Variants in CLVS2 observed in about 807,000 individuals in gnomAD.
CLVS2 encodes the protein clavesin 2.
CLVS2 carries 19 observed loss-of-function variants against 29.0 expected under a neutral mutation model. That is an observed-to-expected ratio of 0.66 (90% CI 0.46 to 0.96). The LOEUF is 0.96. Ranked by LOEUF, CLVS2 falls within the 40% of genes least tolerant of loss-of-function variation. CLVS2 has a pLI of 0.00. For synonymous variants in CLVS2, 161 were observed against 151.3 expected (o/e 1.06, Z -0.47); for missense variants, 294 against 404.1 (o/e 0.73, Z 2.34).
At chr6:123,063,621 A>G in intron 5 of CLVS2, 53 bp from the exon 6 acceptor site, 6 of 997,106 alleles carry the variant, frequency 6.0e-6, no homozygotes, top group Non-Finnish European at 9.5e-6. Context: ...AGAGAATGTC[A>G]TCTGCACAAT....
intron 2 of CLVS2, among the ~76,000 whole-genome samples, chr6:123,010,251 A>G (rs925431969): frequency 6.6e-6 from 1 of 152,040 alleles, no homozygotes; most frequent in Non-Finnish European, 1.5e-5. Flanking sequence ...ATCTCCAACC[A>G]GTGTCTTTCT....
chr6:123,019,594 C>T (rs987928015), intron 3 of CLVS2, among the ~76,000 whole-genome samples: 25 of 152,010 alleles, frequency 1.6e-4, no homozygotes, highest in African/African-American at 5.5e-4. Context: ...ATTTCCCTGG[C>T]TCCTGTGATG....
chr6:123,025,744 A>G (rs927410208), intron 3 of CLVS2, among the ~76,000 whole-genome samples: 4 of 152,122 alleles, frequency 2.6e-5, no homozygotes, highest in Non-Finnish European at 5.9e-5. Flanking sequence ...TACTTTACCC[A>G]TTTCCTCCAT....
chr6:123,026,970 T>C (rs1362222749), intron 3 of CLVS2, among the ~76,000 whole-genome samples: 1 of 152,128 alleles, frequency 6.6e-6, no homozygotes, highest in Non-Finnish European at 1.5e-5. Flanking sequence ...CAAAATAAGT[T>C]TTACAGGATT....
rs1582669284 is a variant in CLVS2 at position 123,066,088 on chromosome 6, T to C, written c.*2327T>C. The C allele has an allele frequency of 6.6e-6, 1 of 151,746 alleles. No homozygotes were observed. The highest frequency in any genetic ancestry group is 2.4e-5 in the African/African-American group (1 of 41,416). The allele number at this position is 151,746 out of a possible 1,614,324, so 9.4% of individuals were successfully genotyped here. On this transcript the variant is annotated 3_prime_UTR_variant, in exon 6 of 6. Transcript: ENST00000275162. ...GAACAAATTACAATGATGATGCCTTTTGAAATTACCATATCTAGTTCATTC... is the reference window on the plus strand; with the variant it reads ...GAACAAATTACAATGATGATGCCTTCTGAAATTACCATATCTAGTTCATTC...
intron 4 of CLVS2, among the ~76,000 whole-genome samples, 195 bp downstream of exon 4, chr6:123,048,927 G>A (rs1395799440): frequency 1.3e-5 from 2 of 152,130 alleles, no homozygotes; most frequent in Non-Finnish European, 2.9e-5. Context: ...TTAAAAGCTA[G>A]CTCTCCTACT....
intron 2 of CLVS2, among the ~76,000 whole-genome samples, chr6:123,010,080 A>G (rs187283660): frequency 6.6e-6 from 1 of 152,190 alleles, no homozygotes; most frequent in African/African-American, 2.4e-5. Context: ...AAATTTTACT[A>G]TGTATTCAGG....
At chr6:123,042,246 T>G (rs1045170543) in intron 3 of CLVS2, among the ~76,000 whole-genome samples, 1 of 152,240 alleles carries the variant, frequency 6.6e-6, no homozygotes, top group Admixed American at 6.5e-5. Context: ...TGACTATTCA[T>G]TTTTCAAGCC....
chr6:123,025,508 G>C (rs759745565), intron 3 of CLVS2, among the ~76,000 whole-genome samples: 20 of 152,106 alleles, frequency 1.3e-4, no homozygotes, highest in Non-Finnish European at 2.6e-4. Context: ...AATCTGAGTG[G>C]TATAAAGGGT....
At chr6:123,020,794 T>TA (rs1367249519) in intron 3 of CLVS2, among the ~76,000 whole-genome samples, 1 of 152,072 alleles carries the variant, frequency 6.6e-6, no homozygotes, top group East Asian at 1.9e-4. Context: ...CTATCAATTA[T>TA]ATTATATACT....
At chr6:123,014,994 G>C (rs6940680) in intron 3 of CLVS2, among the ~76,000 whole-genome samples, 111,238 of 151,972 alleles carry the variant, frequency 0.73, 41,168 homozygotes, top group East Asian at 0.91. Context: ...CTGGAAAGGT[G>C]AGGATTGTGG....
chr6:123,010,377 C>CA (rs1445340597), intron 2 of CLVS2, among the ~76,000 whole-genome samples: 1 of 151,858 alleles, frequency 6.6e-6, no homozygotes, highest in East Asian at 1.9e-4. Context: ...CAAAACACAA[C>CA]AAAAAAAGAT....
intron 3 of CLVS2, among the ~76,000 whole-genome samples, chr6:123,023,960 T>G (rs1774961278): frequency 6.6e-6 from 1 of 152,146 alleles, no homozygotes; most frequent in Admixed American, 6.6e-5. Context: ...AAAATCAGCC[T>G]TGGTCATTCA....
intron 3 of CLVS2, among the ~76,000 whole-genome samples, chr6:123,015,310 C>T (rs764751855): frequency 2.6e-5 from 4 of 151,992 alleles, no homozygotes; most frequent in Non-Finnish European, 4.4e-5. Flanking sequence ...ATCCTAATCA[C>T]TTCTCTGATT....
intron 3 of CLVS2, among the ~76,000 whole-genome samples, chr6:123,035,285 A>G (rs1225591731): frequency 1.3e-5 from 2 of 151,954 alleles, no homozygotes; most frequent in Non-Finnish European, 2.9e-5. Flanking sequence ...GGATTAATAC[A>G]TAAATCTTAA....
chr6:123,009,334 A>G (rs1582644568), intron 2 of CLVS2, among the ~76,000 whole-genome samples: 1 of 152,080 alleles, frequency 6.6e-6, no homozygotes, highest in East Asian at 1.9e-4. Context: ...GTCTTCTGAC[A>G]CCATGCCCTG....
chr6:123,011,185 C>T (rs1774743773), intron 3 of CLVS2, 26 bp downstream of exon 3: 7 of 1,482,680 alleles, frequency 4.7e-6, no homozygotes, highest in Non-Finnish European at 6.4e-6. Context: ...TACCTACTTC[C>T]TTGGTCTCTT....
chr6:123,040,887 T>G (rs1277371512), intron 3 of CLVS2, among the ~76,000 whole-genome samples: 1 of 152,216 alleles, frequency 6.6e-6, no homozygotes. Context: ...CATACAGTTT[T>G]TTTCAGAGTT....
rs992331692 is a variant in CLVS2, at chr6:123,065,233, A to G, written c.*1472A>G. Reference sequence around the variant, plus strand: ...TTAATTTTAAATTTCAATGTGAAAAAATGATTTTTATCACCCATAATAAAT... The same window carrying G: ...TTAATTTTAAATTTCAATGTGAAAAGATGATTTTTATCACCCATAATAAAT... On this transcript the variant is annotated 3_prime_UTR_variant, in exon 6 of 6. Transcript: ENST00000275162. 3 of 151,844 alleles carry G rather than the reference A, an allele frequency of 2.0e-5. No individual in the cohort carries two copies. Among genetic ancestry groups the G allele is most frequent in the African/African-American group, 7.2e-5 (3 of 41,420 alleles). The allele number at this position is 151,844 out of a possible 1,614,324, so 9.4% of individuals were successfully genotyped here.
Sources: gnomAD v4.1 joint callset for allele counts (sites outside exome capture counted in the v4.1 genomes callset) on GRCh38, gnomAD v4.1.1 for gene constraint, MANE v1.5 for transcripts, NCBI Gene and HGNC (gene_info 2026-07-23, HGNC 2026-07-21) for gene names.